The following CCDC127 variants were observed in gnomAD, a reference collection of about 807,000 sequenced individuals.
The protein encoded by CCDC127 is coiled-coil domain-containing protein 127.
A neutral mutation model predicts 4.1 loss-of-function variants in CCDC127; 2 were observed. The observed-to-expected ratio is 0.49, with a 90% CI of 0.20 to 1.53. CCDC127 has a LOEUF of 1.53. CCDC127 is among the 40% of genes most tolerant of loss of function. The probability of loss-of-function intolerance (pLI) is 0.23; values close to 1 mark genes in which losing one functional copy is unlikely to be tolerated. For missense variants in CCDC127, 271 were observed against 322.9 expected, an observed-to-expected ratio of 0.84 and a Z score of 1.23; for synonymous variants, 98 against 120.4, an observed-to-expected ratio of 0.81 and a Z score of 1.22.
rs1456532406 is a variant in CCDC127 at position 197,584 on chromosome 5, A to C, written c.*7713T>G. The C allele has an allele frequency of 6.6e-6, 1 of 152,388 alleles. No individual in the cohort carries two copies. The highest frequency in any genetic ancestry group is 6.5e-5 in the Admixed American group (1 of 15,292). The allele number at this position is 152,388 out of a possible 1,614,324, so 9.4% of individuals were successfully genotyped here. A position where few individuals can be genotyped will look rare whatever the true frequency, so the allele number is the denominator to read the frequency against. ...AACAAGGCACGTCCTGCACAGCCCT[A>C]GATCCCTTAAACCTTGATTTCATAC... On this transcript the variant is annotated 3_prime_UTR_variant, in exon 3 of 3. Coordinates refer to ENST00000296824, the MANE Select transcript of CCDC127 (RefSeq NM_145265.3).
chr5:213,754 A>AT, intron 2 of CCDC127: 1 of 152,010 alleles, frequency 6.6e-6, no homozygotes, highest in Middle Eastern at 3.4e-3. Flanking sequence ...GTGAGAACCT[A>AT]AAACGGTGCA....
intron 2 of CCDC127, among the ~76,000 whole-genome samples, chr5:213,728 C>G (rs1734322494): frequency 6.6e-6 from 1 of 152,260 alleles, no homozygotes; most frequent in Non-Finnish European, 1.5e-5. Context: ...AGAAACCGAT[C>G]AGCTCTGCAT....
At chr5:211,812 A>G (rs372687843) in intron 2 of CCDC127, among the ~76,000 whole-genome samples, 1 of 3,770 alleles carries the variant, frequency 2.7e-4, no homozygotes, top group Non-Finnish European at 5.5e-4. Context: ...CGGGACAGCA[A>G]TGTGAGCACG....
Position 201,644 on chromosome 5 carries a change from T to C in CCDC127, c.*3653A>G, listed in dbSNP as rs1035277674. 2.6e-5 allele frequency: 4 copies of C among 152,232 alleles called. No individual in the cohort carries two copies. The highest frequency in any genetic ancestry group is 2.6e-4 in the Admixed American group (4 of 15,288). The allele number at this position is 152,232 out of a possible 1,614,324, so 9.4% of individuals were successfully genotyped here. On this transcript the variant is annotated 3_prime_UTR_variant, in exon 3 of 3. Transcript: ENST00000296824. ...CATCTACCAAATGAGCTGACTGGAC[T>C]ACGGAAGAGAAATGCTGCCTCTTCA...
In CCDC127 at chr5:198,732, T is replaced by C. The variant is rs1433524965; in HGVS notation, c.*6565A>G. On this transcript the variant is annotated 3_prime_UTR_variant, in exon 3 of 3. Transcript: ENST00000296824. ...ATGGCCGTTCACCATTCGCTGGGTC[T>C]TTGTCCTCGCCCAATCTTGTGACTC... 6.6e-6 allele frequency: 1 copy of C among 152,354 alleles called. No individual in the cohort carries two copies. Among genetic ancestry groups the C allele is most frequent in the East Asian group, 1.9e-4 (1 of 5,200 alleles). The allele number at this position is 152,354 out of a possible 1,614,324, so 9.4% of individuals were successfully genotyped here. A position where few individuals can be genotyped will look rare whatever the true frequency, so the allele number is the denominator to read the frequency against.
chr5:208,217 AG>A (rs1244081165), intron 2 of CCDC127, among the ~76,000 whole-genome samples: 4 of 152,212 alleles, frequency 2.6e-5, no homozygotes, highest in Admixed American at 1.3e-4. Flanking sequence ...CTGTAAAACA[AG>A]ATGACTCTGA....
chr5:205,153 C>T lies in CCDC127; in HGVS notation c.*144G>A, dbSNP rs756711702. 3.9e-5 allele frequency: 27 copies of T among 694,680 alleles called. No homozygotes were observed. Among genetic ancestry groups the T allele is most frequent in the South Asian group, 1.2e-4 (6 of 51,850 alleles). The allele number at this position is 694,680 out of a possible 1,614,324, so 43.0% of individuals were successfully genotyped here. ...AGGCTTCGGTGCACTTCTGCTCAGA[C>T]GGTGGCGGGAGTGGAGGTCGCTGCT... is the stretch of plus-strand genomic sequence containing the variant. On this transcript the variant is annotated 3_prime_UTR_variant, in exon 3 of 3. Transcript: ENST00000296824.
At position 198,481 on chromosome 5, in the gene CCDC127, G is replaced by A. The variant is rs1310245875; in HGVS notation, c.*6816C>T. Reference sequence around the variant, plus strand: ...AGTGGAGAAGGGCCCAGGGTGCTGGGTGTCCTGAGGCCTGGGATTGGGCAG... The same window carrying A: ...AGTGGAGAAGGGCCCAGGGTGCTGGATGTCCTGAGGCCTGGGATTGGGCAG... On this transcript the variant is annotated 3_prime_UTR_variant, in exon 3 of 3. Transcript: ENST00000296824. The A allele has an allele frequency of 2.0e-5, 3 of 152,266 alleles. No individual in the cohort carries two copies. The highest frequency in any genetic ancestry group is 4.4e-5 in the Non-Finnish European group (3 of 68,068). 9.4% of individuals were successfully genotyped at this position (152,266 alleles called of 1,614,324 possible). A position where few individuals can be genotyped will look rare whatever the true frequency, so the allele number is the denominator to read the frequency against.
chr5:216,064 C>CT (rs59297351), intron 2 of CCDC127: 121,007 of 142,950 alleles, frequency 0.85, 51,208 homozygotes, highest in South Asian at 0.91. Flanking sequence ...AACTGGTTTT[C>CT]TTTTTTTTTT....
At chr5:218,004 C>T in intron 1 of CCDC127, 89 bp downstream of exon 1, 1 of 794,820 alleles carries the variant, frequency 1.3e-6, no homozygotes, top group Non-Finnish European at 1.6e-6. Flanking sequence ...GGCGTTCAGG[C>T]CCTTCGGTCT....
In CCDC127 at chr5:205,907, G is replaced by T. The variant is rs534428767; in HGVS notation, c.173C>A (p.Ala58Asp). 1.4e-4 allele frequency: 233 copies of T among 1,613,884 alleles called. No individual in the cohort carries two copies. Among genetic ancestry groups the T allele is most frequent in the Admixed American group, 2.5e-4 (15 of 59,978 alleles). Residue 58 changes from alanine (A) to aspartate (D), a missense_variant, in exon 3 of 3, where the codon GCC (alanine) becomes GAC (aspartate). By Grantham distance (126) the Ala-to-Asp change is moderately radical. Coordinates refer to ENST00000296824, the MANE Select transcript of CCDC127 (RefSeq NM_145265.3). Reference sequence around the variant, plus strand: ...AAAAGCAGCAGTTCTCCGACGGTAGGCTTCTCTCTCTTTTTCTACTTCTTT... The same window carrying T: ...AAAAGCAGCAGTTCTCCGACGGTAGTCTTCTCTCTCTTTTTCTACTTCTTT... ...SQKEVEKEREAYRRRTAAFQQ... is the reference protein window; with the variant it reads ...SQKEVEKEREDYRRRTAAFQQ...
At position 196,899 on chromosome 5, in the gene CCDC127, G is replaced by C. The variant is rs142708836; in HGVS notation, c.*8398C>G. The C allele has an allele frequency of 1.3e-5, 2 of 149,946 alleles. No homozygotes were observed. Among genetic ancestry groups the C allele is most frequent in the Admixed American group, 6.6e-5 (1 of 15,084 alleles). The allele number at this position is 149,946 out of a possible 1,614,324, so 9.3% of individuals were successfully genotyped here. On this transcript the variant is annotated 3_prime_UTR_variant, in exon 3 of 3. Coordinates refer to ENST00000296824, the MANE Select transcript of CCDC127 (RefSeq NM_145265.3). ...GAAACAACAGTGGGCCCAGGGGACC[G>C]GCGCTCAGCATACCAAGGACCTGCA...
At position 205,255 on chromosome 5, in the gene CCDC127, C is replaced by T; in HGVS notation, c.*42G>A. On this transcript the variant is annotated 3_prime_UTR_variant, in exon 3 of 3. Coordinates refer to ENST00000296824, the MANE Select transcript of CCDC127 (RefSeq NM_145265.3). ...GGAGACCCAGAAGGCGCATGACTGC[C>T]TGGCCTCGAGTCACTAAAAGCAGTT... The T allele has an allele frequency of 6.4e-7, 1 of 1,552,598 alleles. No homozygotes were observed.
chr5:207,803 G>C (rs1734208075), intron 2 of CCDC127, among the ~76,000 whole-genome samples: 1 of 152,170 alleles, frequency 6.6e-6, no homozygotes, highest in Non-Finnish European at 1.5e-5. Context: ...GGGGCTGCGA[G>C]GGGTGGCGCC....
rs1203565489 is a variant in CCDC127 at position 202,663 on chromosome 5, T to C, written c.*2634A>G. 6.6e-6 allele frequency: 1 copy of C among 152,256 alleles called. No individual in the cohort carries two copies. The allele number at this position is 152,256 out of a possible 1,614,324, so 9.4% of individuals were successfully genotyped here. The stretch of plus-strand genomic sequence containing the variant: ...CACACCAGCTTGAAGGCTCTGAACA[T>C]ATCTATCTCACTATAGAAGGAAGCT... On this transcript the variant is annotated 3_prime_UTR_variant, in exon 3 of 3. Coordinates refer to ENST00000296824, the MANE Select transcript of CCDC127 (RefSeq NM_145265.3).
rs1352481967 is a variant in CCDC127, at chr5:213,315, A to C, written c.121+3414T>G. Among the ~76,000 whole-genome samples the C allele has an allele frequency of 3.1e-3, 245 of 80,152 alleles. 5 individuals carry two copies. The highest frequency in any genetic ancestry group is 4.0e-3 in the Non-Finnish European group (177 of 44,576). 52.6% of individuals were successfully genotyped at this position (80,152 alleles called of 152,430 possible). ...GAGACAGCACCACACACCCATCACG[A>C]TGGGGCAGACGGGACAGCAGTGTGA... is the stretch of plus-strand genomic sequence containing the variant. On this transcript the variant is annotated intron_variant, in intron 2 of 2. Coordinates refer to ENST00000296824, the MANE Select transcript of CCDC127 (RefSeq NM_145265.3).
chr5:216,484 C>T (rs1254465164), intron 2 of CCDC127: 1 of 266,876 alleles, frequency 3.7e-6, no homozygotes, highest in Non-Finnish European at 7.8e-6. Context: ...CTTCTAAACG[C>T]CTTGGCTGAC....
In CCDC127 at chr5:197,659, G is replaced by A. The variant is rs899333706; in HGVS notation, c.*7638C>T. The A allele has an allele frequency of 3.3e-5, 5 of 153,440 alleles. No homozygotes were observed. Among genetic ancestry groups the A allele is most frequent in the African/African-American group, 1.2e-4 (5 of 41,430 alleles). The allele number at this position is 153,440 out of a possible 1,614,324, so 9.5% of individuals were successfully genotyped here. ...GTTGGGGCAAAGTGGCTGGGGCAAA[G>A]CTACACATTAACATCATCTCAGCAA... On this transcript the variant is annotated 3_prime_UTR_variant, in exon 3 of 3. Coordinates refer to ENST00000296824, the MANE Select transcript of CCDC127 (RefSeq NM_145265.3).
chr5:203,553 T>C lies in CCDC127; in HGVS notation c.*1744A>G, dbSNP rs62346508. 0.13 allele frequency: 20,329 copies of C among 152,348 alleles called. 1,445 individuals are homozygous for C. Among genetic ancestry groups the C allele is most frequent in the Admixed American group, 0.17 (2,611 of 15,302 alleles). 9.4% of individuals were successfully genotyped at this position (152,348 alleles called of 1,614,324 possible). On this transcript the variant is annotated 3_prime_UTR_variant, in exon 3 of 3. Coordinates refer to ENST00000296824, the MANE Select transcript of CCDC127 (RefSeq NM_145265.3). ...AGCGTGTACAGCTCAGGGTGGAACA[T>C]GCACTCCATGAATAGTGGCTCTCAT... is the stretch of plus-strand genomic sequence containing the variant.
Sources: allele counts gnomAD v4.1 joint callset (sites outside exome capture counted in the v4.1 genomes callset), GRCh38; gene constraint gnomAD v4.1.1; transcripts MANE v1.5; gene names NCBI Gene and HGNC (gene_info 2026-07-23, HGNC 2026-07-21).